The following DGKZ variants were observed in gnomAD, a reference collection of about 807,000 sequenced individuals.
DGKZ encodes diacylglycerol kinase zeta, also known as DAG kinase zeta.
In DGKZ, 45 loss-of-function variants were observed where a neutral mutation model predicts 142.5. That is an observed-to-expected ratio of 0.32 (90% CI 0.25 to 0.40). The LOEUF is 0.40. Ranked by LOEUF, DGKZ falls within the 10% of genes least tolerant of loss-of-function variation. DGKZ has a pLI of 1.00. For missense variants in DGKZ, 755 were observed against 1,306.5 expected (o/e 0.58, Z 6.51); for synonymous variants, 442 against 527.0 (o/e 0.84, Z 2.21).
intron 1 of DGKZ, among the ~76,000 whole-genome samples, chr11:46,357,112 T>A (rs1942117253): frequency 6.6e-6 from 1 of 152,086 alleles, no homozygotes; most frequent in African/African-American, 2.4e-5. Flanking sequence ...GGTTGGTCAT[T>A]TGTTGCGCAA....
chr11:46,359,770 A>ATT (rs779825781), intron 1 of DGKZ, among the ~76,000 whole-genome samples: 11 of 129,020 alleles, frequency 8.5e-5, no homozygotes, highest in Admixed American at 7.0e-4. Context: ...TGCCCGGCTA[A>ATT]TTTTTTTTTT....
chr11:46,369,641 G>GA, intron 5 of DGKZ, 91 bp downstream of exon 5: 2 of 1,512,182 alleles, frequency 1.3e-6, no homozygotes, highest in Non-Finnish European at 1.8e-6. Flanking sequence ...CAGGGGGCTC[G>GA]GCTCCCTCTA....
At chr11:46,350,035 T>C (rs1020147612) in intron 1 of DGKZ, among the ~76,000 whole-genome samples, 1 of 152,188 alleles carries the variant, frequency 6.6e-6, no homozygotes, top group Non-Finnish European at 1.5e-5. Flanking sequence ...AGTGCTCTTA[T>C]AGGATGCCTG....
At chr11:46,364,698 G>C in intron 1 of DGKZ, 1 of 985,480 alleles carries the variant, frequency 1.0e-6, no homozygotes, top group Non-Finnish European at 1.2e-6. Context: ...GTGTATGGAA[G>C]GAGAAGGTGC....
intron 28 of DGKZ, 39 bp from the exon 29 acceptor site, chr11:46,379,164 G>A (rs370035919): frequency 5.6e-6 from 9 of 1,612,180 alleles, no homozygotes; most frequent in Non-Finnish European, 7.6e-6. Context: ...AGGAGGAGGG[G>A]CTGCCAGGCC....
In DGKZ at chr11:46,372,595, T is replaced by C. The variant is rs1944074507; in HGVS notation, c.1011-22T>C. 4 of 1,613,724 alleles carry C rather than the reference T, an allele frequency of 2.5e-6. No individual in the cohort carries two copies. The African/African-American group carries it at 5.3e-5, about 22-fold the overall frequency. On this transcript the variant is annotated intron_variant, in intron 11 of 30. Transcript: ENST00000527911. The surrounding 1 kb of genome is among the most constrained non-coding windows in gnomAD (Gnocchi z 5.9). ...TACAGCACACATCCCCTGACCCCAC[T>C]GCCATCTTCCCATGAGCCCAGGCTG...
chr11:46,332,993 A>C, exon 1 of DGKZ: 1 of 304,822 alleles, frequency 3.3e-6, no homozygotes, highest in Non-Finnish European at 6.0e-6. Context: ...GCTCCGCTCC[A>C]GCCGTCCGGG....
chr11:46,333,425 C>G (rs768433551), exon 1 of DGKZ: 7 of 1,525,978 alleles, frequency 4.6e-6, no homozygotes, highest in African/African-American at 4.3e-5. Flanking sequence ...GGGGCACGGC[C>G]GCTGGGCCCC....
chr11:46,340,025 G>C (rs1940200847), intron 1 of DGKZ, among the ~76,000 whole-genome samples: 1 of 152,254 alleles, frequency 6.6e-6, no homozygotes, highest in Admixed American at 6.5e-5. Flanking sequence ...AGTAGGCAGT[G>C]CTTTGGAGGC....
chr11:46,348,852 A>G (rs923683041), intron 1 of DGKZ, among the ~76,000 whole-genome samples: 2 of 152,146 alleles, frequency 1.3e-5, no homozygotes, highest in Non-Finnish European at 2.9e-5. Context: ...GCTTGTAGCC[A>G]ATCAGCCAAG....
At position 46,372,556 on chromosome 11, in the gene DGKZ, C is replaced by T. The variant is rs1317417057; in HGVS notation, c.1010+46C>T. ...TGTGGGGGACATGGGGGGGAACTTGCCTCACTCCTGGGGTACAGCACACAT... is the reference window on the plus strand; with the variant it reads ...TGTGGGGGACATGGGGGGGAACTTGTCTCACTCCTGGGGTACAGCACACAT... On this transcript the variant is annotated intron_variant, in intron 11 of 30. Transcript: ENST00000527911. The surrounding 1 kb of genome is among the most constrained non-coding windows in gnomAD (Gnocchi z 5.9). 2 of 1,613,806 alleles carry T rather than the reference C, an allele frequency of 1.2e-6. No homozygotes were observed. The highest frequency in any genetic ancestry group is 1.7e-6 in the Non-Finnish European group (2 of 1,179,886).
intron 1 of DGKZ, among the ~76,000 whole-genome samples, chr11:46,348,104 AG>A (rs888732624): frequency 1.3e-5 from 2 of 152,046 alleles, no homozygotes; most frequent in African/African-American, 4.8e-5. Context: ...GTACCGTGGG[AG>A]GATCGGCTCC....
chr11:46,368,189 C>T, intron 4 of DGKZ, 110 bp downstream of exon 4: 2 of 1,162,836 alleles, frequency 1.7e-6, no homozygotes, highest in Non-Finnish European at 2.5e-6. Flanking sequence ...AGTGACCCAG[C>T]ACTCGGGGGT....
At chr11:46,379,031 G>T in exon 28 of DGKZ, 1 of 1,591,264 alleles carries the variant, frequency 6.3e-7, no homozygotes. Flanking sequence ...CTCATGCACC[G>T]AGACGAGCAG....
At position 46,378,504 on chromosome 11, in the gene DGKZ, C is replaced by G; in HGVS notation, c.2418+4C>G. On this transcript the variant is annotated splice_donor_region_variant and intron_variant, in intron 27 of 30. Transcript: ENST00000527911. The stretch of plus-strand genomic sequence containing the variant: ...CAAGAGGAACGACTTCTGTAAGGTA[C>G]TAGCTCCAGGCTCCAGTTCCTTCCC... The G allele has an allele frequency of 6.2e-7, 1 of 1,612,992 alleles. No homozygotes were observed. The highest frequency in any genetic ancestry group is 8.5e-7 in the Non-Finnish European group (1 of 1,179,816).
At position 46,367,323 on chromosome 11, in the gene DGKZ, T is replaced by G; in HGVS notation, c.194T>G (p.Leu65Arg). The change falls in exon 2 of 31, where the codon CTG (leucine) becomes CGG (arginine). Residue 65 changes from leucine to arginine, a missense_variant. Leu to Arg is a moderately radical substitution (Grantham distance 102). Coordinates refer to ENST00000527911, the Ensembl canonical transcript of DGKZ. The surrounding 1 kb of genome is among the most constrained non-coding windows in gnomAD (Gnocchi z 4.1). ...ATCACCAAGTCGGGCCTCCAGCACC[T>G]GGCCCCCCCTCCGCCCACCCCTGGG... The G allele has an allele frequency of 6.2e-7, 1 of 1,612,732 alleles. No individual in the cohort carries two copies.
chr11:46,375,364 G>A, intron 19 of DGKZ, 68 bp from the exon 20 acceptor site: 2 of 1,474,970 alleles, frequency 1.4e-6, no homozygotes, highest in South Asian at 1.3e-5. Flanking sequence ...GCTTCGGAAG[G>A]AGCAGAGTCT....
intron 1 of DGKZ, among the ~76,000 whole-genome samples, chr11:46,341,220 C>T (rs1042270098): frequency 2.0e-5 from 3 of 152,210 alleles, no homozygotes; most frequent in Non-Finnish European, 4.4e-5. Flanking sequence ...TCTGCCCAGC[C>T]TTCTGAACAC....
chr11:46,338,341 CA>C (rs1316863773), intron 1 of DGKZ, among the ~76,000 whole-genome samples: 1 of 151,574 alleles, frequency 6.6e-6, no homozygotes, highest in Admixed American at 6.6e-5. Context: ...ACTAAAAATA[CA>C]AAAATTAGCC....
Sources: gnomAD v4.1 joint callset for allele counts (sites outside exome capture counted in the v4.1 genomes callset) on GRCh38, gnomAD v4.1.1 for gene constraint, Gnocchi (gnomAD v3.1) non-coding constraint, MANE v1.5 for transcripts, NCBI Gene and HGNC (gene_info 2026-07-23, HGNC 2026-07-21) for gene names.